Variants in CDYL observed in about 807,000 individuals in gnomAD.
CDYL encodes chromodomain Y like.
Under a neutral mutation model 47.3 loss-of-function variants are expected in CDYL, and 8 were observed. The ratio of observed to expected loss-of-function variants is 0.17; its 90% confidence interval spans 0.10 to 0.31. The LOEUF (loss-of-function observed/expected upper bound fraction) is 0.31, where lower values mean the gene tolerates loss of function less well. CDYL is among the 10% of genes least tolerant of loss of function. The pLI, the probability that CDYL is intolerant of heterozygous loss-of-function variation, is 1.00. For synonymous variants in CDYL, 266 were observed against 265.0 expected (o/e 1.00, Z -0.04); for missense variants, 471 against 701.4 (o/e 0.67, Z 3.71).
chr6:4,724,062 A>G (rs1255701304), intron 2 of CDYL, among the ~76,000 whole-genome samples: 1 of 151,982 alleles, frequency 6.6e-6, no homozygotes, highest in Non-Finnish European at 1.5e-5. Flanking sequence ...CGCGTTTGAG[A>G]GAGTCTTGCT....
At chr6:4,847,441 T>C (rs1278067603) in intron 1 of CDYL, among the ~76,000 whole-genome samples, 7 of 152,282 alleles carry the variant, frequency 4.6e-5, no homozygotes, top group African/African-American at 1.7e-4. Context: ...TTGATTCCAT[T>C]TTTCTCTAGC....
chr6:4,895,012 CATAT>C (rs887827438), intron 2 of CDYL, among the ~76,000 whole-genome samples: 2 of 150,288 alleles, frequency 1.3e-5, no homozygotes, highest in African/African-American at 4.9e-5. Flanking sequence ...TATGTTTATA[CATAT>C]ATGTATGTAT....
chr6:4,839,946 T>A (rs1017984375), intron 1 of CDYL, among the ~76,000 whole-genome samples: 1 of 152,164 alleles, frequency 6.6e-6, no homozygotes, highest in African/African-American at 2.4e-5. Flanking sequence ...TTTTTCTAGT[T>A]CTGTGAAGAA....
intron 1 of CDYL, among the ~76,000 whole-genome samples, chr6:4,829,969 G>A (rs1760089776): frequency 6.6e-6 from 1 of 152,214 alleles, no homozygotes; most frequent in African/African-American, 2.4e-5. Flanking sequence ...ATGTTCACTT[G>A]TCTGCTGCCA....
chr6:4,742,216 T>C (rs1306090159), intron 3 of CDYL, among the ~76,000 whole-genome samples: 1 of 151,780 alleles, frequency 6.6e-6, no homozygotes, highest in Non-Finnish European at 1.5e-5. Flanking sequence ...AAATTTTTTT[T>C]AATTAGCCAG....
intron 2 of CDYL, among the ~76,000 whole-genome samples, chr6:4,897,991 G>A (rs1762336296): frequency 6.6e-6 from 1 of 151,780 alleles, no homozygotes; most frequent in South Asian, 2.1e-4. Context: ...CAGGAGGCAA[G>A]AGGTTGCTGT....
chr6:4,708,177 C>T (rs112851540), intron 1 of CDYL, among the ~76,000 whole-genome samples: 7,707 of 117,788 alleles, frequency 0.065, 251 homozygotes, highest in African/African-American at 0.17. Flanking sequence ...CACACACACA[C>T]ATATATATAT....
At chr6:4,751,007 C>T (rs574330944) in intron 3 of CDYL, among the ~76,000 whole-genome samples, 1 of 152,058 alleles carries the variant, frequency 6.6e-6, no homozygotes, top group African/African-American at 2.4e-5. Flanking sequence ...CACCCGCCAC[C>T]ACGCCCGGCT....
chr6:4,847,709 A>G (rs147500285), intron 1 of CDYL, among the ~76,000 whole-genome samples: 13 of 152,344 alleles, frequency 8.5e-5, no homozygotes, highest in African/African-American at 2.9e-4. Flanking sequence ...CAAATTTCAT[A>G]CTTTAAAAAT....
rs115550698 is a variant in CDYL, at chr6:4,801,989, A to G, written c.24+25182A>G. 5.9e-3 allele frequency among the ~76,000 whole-genome samples: 897 copies of G among 152,256 alleles called. 8 individuals are homozygous for G. The highest frequency in any genetic ancestry group is 0.021 in the African/African-American group (853 of 41,528). On this transcript the variant is annotated intron_variant, in intron 1 of 6. Coordinates refer to ENST00000397588, the MANE Select transcript of CDYL (RefSeq NM_004824.4). Reference sequence around the variant, plus strand: ...TGCTCTGAATTTGAGTGTCACCTCTATATTCTAGTGCTGTCAGAGTGCTTT... The same window carrying G: ...TGCTCTGAATTTGAGTGTCACCTCTGTATTCTAGTGCTGTCAGAGTGCTTT...
At chr6:4,727,325 A>T (rs1470863850) in intron 2 of CDYL, among the ~76,000 whole-genome samples, 1 of 152,164 alleles carries the variant, frequency 6.6e-6, no homozygotes, top group Admixed American at 6.5e-5. Flanking sequence ...AAGGGTAGGA[A>T]GCTCATGGAT....
intron 1 of CDYL, among the ~76,000 whole-genome samples, chr6:4,823,135 G>A (rs1759886364): frequency 1.3e-5 from 2 of 152,180 alleles, no homozygotes; most frequent in Admixed American, 1.3e-4. Context: ...TAAACAAGGA[G>A]TAGATAAGTT....
chr6:4,927,537 TCCTGA>T (rs1233015222), intron 2 of CDYL, among the ~76,000 whole-genome samples: 5 of 151,770 alleles, frequency 3.3e-5, no homozygotes, highest in African/African-American at 1.2e-4. Context: ...TGCCTCAGCC[TCCTGA>T]GTAGCTGGGA....
Position 4,891,952 on chromosome 6 carries a change from C to A in CDYL, c.264C>A (p.Asn88Lys). ...NARKQISRST[N>K]SNFSKTSPKA... Reference sequence around the variant, plus strand: ...GGAAACAAATCTCCAGATCCACCAACAGCAACTTTTCTAAGACCTCTCCTA... The same window carrying A: ...GGAAACAAATCTCCAGATCCACCAAAAGCAACTTTTCTAAGACCTCTCCTA... The change falls in exon 2 of 7, where the codon AAC becomes AAA. Residue 88 changes from asparagine (N) to lysine (K), a missense_variant. Physicochemically the swap from Asn to Lys is moderately conservative, Grantham distance 94. Around this residue, in one of 3 missense-constraint regions of CDYL, gnomAD observed 311 missense variants for 350.0 expected, o/e 0.89. Transcript: ENST00000397588. 1 of 1,614,192 alleles carries A rather than the reference C, an allele frequency of 6.2e-7. No individual in the cohort carries two copies. The highest frequency in any genetic ancestry group is 8.5e-7 in the Non-Finnish European group (1 of 1,180,034).
chr6:4,839,971 T>G (rs1217691898), intron 1 of CDYL, among the ~76,000 whole-genome samples: 2 of 152,208 alleles, frequency 1.3e-5, no homozygotes, highest in East Asian at 3.8e-4. Flanking sequence ...GGTGGTGTTT[T>G]GATGGGAATT....
At chr6:4,715,764 C>T in exon 2 of CDYL, 1 of 1,613,798 alleles carries the variant, frequency 6.2e-7, no homozygotes, top group African/African-American at 1.3e-5. Flanking sequence ...AACACAGAGC[C>T]CCCGGAAGAA....
intron 5 of CDYL, among the ~76,000 whole-genome samples, chr6:4,949,401 C>G (rs1004062881): frequency 6.6e-6 from 1 of 152,222 alleles, no homozygotes; most frequent in Admixed American, 6.5e-5. Flanking sequence ...CCCCATAAGG[C>G]TGAAGATTCC....
chr6:4,722,294 T>C (rs1433750131), intron 2 of CDYL, among the ~76,000 whole-genome samples: 1 of 151,782 alleles, frequency 6.6e-6, no homozygotes, highest in African/African-American at 2.4e-5. Context: ...GGACCCCATC[T>C]CAACAAAAAA....
At chr6:4,838,369 C>T (rs186748112) in intron 1 of CDYL, among the ~76,000 whole-genome samples, 24 of 152,020 alleles carry the variant, frequency 1.6e-4, no homozygotes, top group African/African-American at 5.5e-4. Context: ...ATCTTCATAG[C>T]TTAGCTCCCA....
Sources: gnomAD v4.1 joint callset for allele counts (sites outside exome capture counted in the v4.1 genomes callset) on GRCh38, gnomAD v4.1.1 for gene constraint, gnomAD v4.1.1 regional missense constraint, MANE v1.5 for transcripts, NCBI Gene and HGNC (gene_info 2026-07-23, HGNC 2026-07-21) for gene names.